The following NOP2 variants were observed in gnomAD, a reference collection of about 807,000 sequenced individuals.
NOP2 encodes 28S rRNA (cytosine(4447)-C(5))-methyltransferase.
A neutral mutation model predicts 72.7 loss-of-function variants in NOP2; 7 were observed. That is an observed-to-expected ratio of 0.10 (90% CI 0.05 to 0.18). The LOEUF is 0.18. Ranked by LOEUF, NOP2 falls within the 10% of genes least tolerant of loss-of-function variation. The pLI is 1.00. For missense variants in NOP2, 954 were observed against 1,014.7 expected (o/e 0.94, Z 0.81); for synonymous variants, 387 against 388.0 (o/e 1.00, Z 0.03).
At chr12:6,565,605 G>A (rs973578366) in intron 5 of NOP2, among the ~76,000 whole-genome samples, 1 of 152,128 alleles carries the variant, frequency 6.6e-6, no homozygotes, top group South Asian at 2.1e-4. Context: ...CTCCCAAAGT[G>A]CTAGGATTAT....
intron 5 of NOP2, 30 bp from the exon 6 acceptor site, chr12:6,563,976 G>A (rs758219320): frequency 5.6e-6 from 9 of 1,608,042 alleles, no homozygotes; most frequent in Non-Finnish European, 7.6e-6. Context: ...ATTAATACAG[G>A]CCTGCCCTTC....
chr12:6,565,893 A>T (rs1370894499), intron 5 of NOP2, among the ~76,000 whole-genome samples: 1 of 151,990 alleles, frequency 6.6e-6, no homozygotes, highest in Non-Finnish European at 1.5e-5. Context: ...ACAGCCTTCT[A>T]GATTTTTTTA....
chr12:6,565,960 G>A, intron 5 of NOP2, 141 bp downstream of exon 5: 1 of 671,510 alleles, frequency 1.5e-6, no homozygotes. Flanking sequence ...ATATAAGGCA[G>A]TAGGGAAACA....
Position 6,557,238 on chromosome 12 carries a change from A to G in NOP2, c.2194T>C (p.Ser732Pro), listed in dbSNP as rs1247922922. The G allele has an allele frequency of 6.2e-7, 1 of 1,613,826 alleles. No homozygotes were observed. Among genetic ancestry groups the G allele is most frequent in the Admixed American group, 1.7e-5 (1 of 59,990 alleles). Residue 732 changes from serine to proline, a missense_variant, in exon 16 of 16, where the codon TCC becomes CCC. Ser to Pro is a moderately conservative substitution (Grantham distance 74). Transcript: ENST00000322166. ...AGGGTGGCCTGAGTCTTGGATGGGG[A>G]TAACACAGCCGGTGTTTGTGTGTCT... is the stretch of plus-strand genomic sequence containing the variant. ...GTDTQTPAVL[S>P]PSKTQATLKP...
rs1181356487 is a variant in NOP2, at chr12:6,563,120, C to A, written c.939G>T (p.Arg313=). The A allele has an allele frequency of 6.3e-7, 1 of 1,597,904 alleles. No individual in the cohort carries two copies. The highest frequency in any genetic ancestry group is 1.7e-5 in the Admixed American group (1 of 57,408). ...ANEVPRPVTL[R]TNTLKTRRRD... is the part of the protein sequence containing the mutation. ...GGCGTCGGGTTTTCAAGGTATTGGTCCGGAGGGTGACGGGCCGAGGCACCT... is the reference window on the plus strand; with the variant it reads ...GGCGTCGGGTTTTCAAGGTATTGGTACGGAGGGTGACGGGCCGAGGCACCT... Residue 313 remains arginine, a synonymous_variant, in exon 9 of 16, where the codon CGG becomes CGT. Coordinates refer to ENST00000322166, the MANE Select transcript of NOP2 (RefSeq NM_001258308.2).
chr12:6,564,438 A>AT (rs897066749), intron 5 of NOP2: 25 of 160,798 alleles, frequency 1.6e-4, no homozygotes, highest in South Asian at 2.8e-4. Flanking sequence ...ATTCTGCCAT[A>AT]TTTTTTTTGA....
At chr12:6,557,901 G>C (rs542942682) in intron 15 of NOP2, 9 of 451,790 alleles carry the variant, frequency 2.0e-5, no homozygotes, top group African/African-American at 1.8e-4. Flanking sequence ...CCAGCACTTT[G>C]GGAGGCCAAG....
chr12:6,566,549 A>G lies in NOP2; in HGVS notation c.218T>C (p.Leu73Ser), dbSNP rs1128164. 1.9e-6 allele frequency: 3 copies of G among 1,613,940 alleles called. No homozygotes were observed. In the Admixed American group the frequency reaches 5.0e-5, roughly 27 times the overall value. Residue 73 changes from leucine to serine, a missense_variant, in exon 4 of 16, where the codon TTG (leucine) becomes TCG (serine). Leu to Ser is a moderately radical substitution (Grantham distance 145, BLOSUM62 -2). Around this residue, in one of 3 missense-constraint regions of NOP2, gnomAD observed 498 missense variants for 478.3 expected, o/e 1.04. Coordinates refer to ENST00000322166, the MANE Select transcript of NOP2 (RefSeq NM_001258308.2). ...KTNKSPEAKP[L>S]PGKLPKGISA... ...CGGACCTTTTGGTAGCTTTCCAGGC[A>G]ATGGTTTGGCCTCAGGAGACTTATT...
rs1215773129 is a variant in NOP2 at position 6,568,250 on chromosome 12, C to A, written c.-48G>T. The A allele has an allele frequency of 1.2e-5, 3 of 250,184 alleles. No individual in the cohort carries two copies. Among genetic ancestry groups the A allele is most frequent in the Non-Finnish European group, 2.3e-5 (3 of 129,314 alleles). The allele number at this position is 250,184 out of a possible 1,614,324, so 15.5% of individuals were successfully genotyped here. On this transcript the variant is annotated 5_prime_UTR_variant, in exon 1 of 16. Transcript: ENST00000322166. ...CCGAGAGTGCCCTTCGGGCGGCCCTCCACGTGCAATCCGGACCTAGCTTTC... is the reference window on the plus strand; with the variant it reads ...CCGAGAGTGCCCTTCGGGCGGCCCTACACGTGCAATCCGGACCTAGCTTTC...
At position 6,560,321 on chromosome 12, in the gene NOP2, T is replaced by C; in HGVS notation, c.1566A>G (p.Glu522=). 6.2e-7 allele frequency: 1 copy of C among 1,613,160 alleles called. No individual in the cohort carries two copies. Among genetic ancestry groups the C allele is most frequent in the Non-Finnish European group, 8.5e-7 (1 of 1,179,178 alleles). ...LVYCTCSITV[E]ENEWVVDYAL... is the part of the protein sequence containing the mutation. The stretch of plus-strand genomic sequence containing the variant: ...CATAGTCTACCACCCACTCATTCTC[T>C]TCTACCTGGATGTGGGGGGAAGACA... The change falls in exon 15 of 16, where the codon GAA becomes GAG. Residue 522 remains glutamate (E), a synonymous_variant. Coordinates refer to ENST00000322166, the MANE Select transcript of NOP2 (RefSeq NM_001258308.2). This position sits in a 1 kb window ranked among gnomAD's most constrained non-coding sequence, Gnocchi z 5.0.
chr12:6,566,971 C>T (rs1261669905), intron 2 of NOP2, 149 bp from the exon 3 acceptor site: 8 of 670,642 alleles, frequency 1.2e-5, no homozygotes, highest in South Asian at 1.9e-5. Flanking sequence ...TAACTGTATA[C>T]AAGTTTCTTT....
chr12:6,561,193 A>C, intron 11 of NOP2, 123 bp from the exon 12 acceptor site: 2 of 1,158,620 alleles, frequency 1.7e-6, no homozygotes, highest in Non-Finnish European at 2.4e-6. Flanking sequence ...CGCTCCCAAC[A>C]AGCCTGCCTA....
Position 6,557,524 on chromosome 12 carries a change from C to T in NOP2, c.1908G>A (p.Leu636=). The T allele has an allele frequency of 6.2e-7, 1 of 1,613,986 alleles. No individual in the cohort carries two copies. The highest frequency in any genetic ancestry group is 8.5e-7 in the Non-Finnish European group (1 of 1,179,894). The stretch of plus-strand genomic sequence containing the variant: ...CCTTCTTGGGATGTTGCTGTTTCTG[C>T]AGCTGCTGCTTTGTCTTTGCAGCCC... ...AKGAAKTKQQ[L]QKQQHPKKAS... The change falls in exon 16 of 16, where the codon CTG becomes CTA. Residue 636 remains leucine, a synonymous_variant. Transcript: ENST00000322166.
chr12:6,561,524 C>A, intron 11 of NOP2, 140 bp downstream of exon 11: 1 of 1,078,878 alleles, frequency 9.3e-7, no homozygotes. Flanking sequence ...AGGCCGACTC[C>A]AGAAACTGGT....
intron 11 of NOP2, 75 bp from the exon 12 acceptor site, chr12:6,561,145 G>T (rs1947638852): frequency 1.3e-6 from 2 of 1,564,038 alleles, no homozygotes; most frequent in African/African-American, 2.7e-5. Flanking sequence ...TCCTGTCCAG[G>T]AATCCACATG....
At chr12:6,558,269 G>C (rs937588980) in intron 15 of NOP2, 3 of 273,790 alleles carry the variant, frequency 1.1e-5, no homozygotes, top group South Asian at 5.7e-5. Context: ...TCAGGGTTTT[G>C]GGGTTTTTTT....
Position 6,557,591 on chromosome 12 carries a change from G to C in NOP2, c.1841C>G (p.Pro614Arg), listed in dbSNP as rs946290143. The C allele has an allele frequency of 6.2e-7, 1 of 1,613,524 alleles. No individual in the cohort carries two copies. Among genetic ancestry groups the C allele is most frequent in the African/African-American group, 1.3e-5 (1 of 74,856 alleles). ...TGGCTGGCTGCTGTTCTCAGACTTG[G>C]GGATGACCTGAGGCAAGTCTACATT... is the stretch of plus-strand genomic sequence containing the variant. ...PTNVDLPQVI[P>R]KSENSSQPAK... Residue 614 changes from proline to arginine, a missense_variant, in exon 16 of 16, where the codon CCC becomes CGC. Pro to Arg is a moderately radical substitution (Grantham distance 103). Around this residue, in one of 3 missense-constraint regions of NOP2, gnomAD observed 269 missense variants for 260.2 expected, o/e 1.03. Coordinates refer to ENST00000322166, the MANE Select transcript of NOP2 (RefSeq NM_001258308.2).
rs1218729528 is a variant in NOP2, at chr12:6,557,047, T to C, written c.2385A>G (p.Pro795=). ...TGGACTGAGATTTCTTCCTCTTTGCTGGTGGGGGGCGGCTGGAACGGATGG... is the reference window on the plus strand; with the variant it reads ...TGGACTGAGATTTCTTCCTCTTTGCCGGTGGGGGGCGGCTGGAACGGATGG... ...VSPIRSSRPP[P]AKRKKSQSRG... The change falls in exon 16 of 16, where the codon CCA becomes CCG. Residue 795 remains proline, a synonymous_variant. Transcript: ENST00000322166. 1.2e-6 allele frequency: 2 copies of C among 1,613,814 alleles called. No individual in the cohort carries two copies. The highest frequency in any genetic ancestry group is 2.2e-5 in the East Asian group (1 of 44,886).
chr12:6,564,167 T>C (rs1038206721), intron 5 of NOP2: 27 of 1,376,394 alleles, frequency 2.0e-5, no homozygotes, highest in Non-Finnish European at 2.4e-5. Flanking sequence ...TCCCAGCTAC[T>C]TGGGAAGCTG....
Sources: gnomAD v4.1 joint callset for allele counts (sites outside exome capture counted in the v4.1 genomes callset) on GRCh38, gnomAD v4.1.1 for gene constraint, gnomAD v4.1.1 regional missense constraint, Gnocchi (gnomAD v3.1) non-coding constraint, MANE v1.5 for transcripts, NCBI Gene and HGNC (gene_info 2026-07-23, HGNC 2026-07-21) for gene names.